Variants in ACER1 observed in about 807,000 individuals in gnomAD.
The protein encoded by ACER1 is CTB-180A7.3.
Under a neutral mutation model 24.9 loss-of-function variants are expected in ACER1, and 28 were observed. That is an observed-to-expected ratio of 1.13 (90% CI 0.83 to 1.54). ACER1 has a LOEUF of 1.54. Among genes scored for constraint, ACER1 ranks in the 40% most tolerant of loss-of-function variants. The pLI is 0.00. For missense variants in ACER1, 352 were observed against 349.3 expected (o/e 1.01, Z -0.06); for synonymous variants, 132 against 131.4 (o/e 1.00, Z -0.03).
chr19:6,311,861 G>T (rs981962406), intron 3 of ACER1, among the ~76,000 whole-genome samples: 15 of 152,128 alleles, frequency 9.9e-5, no homozygotes, highest in Non-Finnish European at 1.5e-4. Flanking sequence ...GTGTAGACAT[G>T]AGGTCCTGGA....
the ACER1 span, among the ~76,000 whole-genome samples, chr19:6,356,930 A>G: frequency 6.6e-6 from 1 of 151,732 alleles, no homozygotes; most frequent in African/African-American, 2.4e-5. Context: ...ATTGTTTATG[A>G]TGAAAGTCAC....
At chr19:6,307,362 C>T in intron 4 of ACER1, 72 bp from the exon 5 acceptor site, 5 of 1,553,718 alleles carry the variant, frequency 3.2e-6, no homozygotes, top group Non-Finnish European at 4.4e-6. Flanking sequence ...GGAAATTCCT[C>T]CTTCCACAGT....
chr19:6,319,618 A>G (rs1219615932), intron 1 of ACER1, among the ~76,000 whole-genome samples: 1 of 151,984 alleles, frequency 6.6e-6, no homozygotes, highest in African/African-American at 2.4e-5. Context: ...CTCGGGGTGT[A>G]TACAGTCAGG....
chr19:6,354,312 ATT>A, the ACER1 span, among the ~76,000 whole-genome samples: 2 of 137,910 alleles, frequency 1.5e-5, no homozygotes, highest in Admixed American at 7.6e-5. Flanking sequence ...TTAGGGGGGC[ATT>A]TTTTTTAATT....
the ACER1 span, among the ~76,000 whole-genome samples, chr19:6,342,546 C>T: frequency 1.3e-5 from 2 of 151,506 alleles, no homozygotes; most frequent in Non-Finnish European, 2.9e-5. Flanking sequence ...GGTGAAACCC[C>T]GTCTCTACTA....
At chr19:6,312,073 G>C in intron 3 of ACER1, 76 bp downstream of exon 3, 2 of 1,534,140 alleles carry the variant, frequency 1.3e-6, no homozygotes, top group Non-Finnish European at 1.8e-6. Flanking sequence ...GGGACCCAGG[G>C]GACTCAGGTG....
chr19:6,318,952 G>A (rs2091617084), intron 1 of ACER1, among the ~76,000 whole-genome samples: 1 of 151,456 alleles, frequency 6.6e-6, no homozygotes, highest in Non-Finnish European at 1.5e-5. Flanking sequence ...ATGCCTCTTG[G>A]TTTCTCTTCG....
intron 3 of ACER1, among the ~76,000 whole-genome samples, chr19:6,311,013 A>G (rs1037994189): frequency 3.3e-5 from 5 of 151,976 alleles, no homozygotes; most frequent in Non-Finnish European, 5.9e-5. Flanking sequence ...AGGACTCAGT[A>G]GGATGAGAAG....
At chr19:6,307,075 C>T in intron 5 of ACER1, 78 bp downstream of exon 5, 4 of 1,584,210 alleles carry the variant, frequency 2.5e-6, no homozygotes, top group Non-Finnish European at 3.4e-6. Context: ...AACCCCAGCC[C>T]CCAGGTGCCT....
At chr19:6,327,694 A>C (rs2091668093) in intron 1 of ACER1, among the ~76,000 whole-genome samples, 1 of 152,108 alleles carries the variant, frequency 6.6e-6, no homozygotes, top group Non-Finnish European at 1.5e-5. Context: ...CAAGCTAAGA[A>C]TCATGTTTAC....
chr19:6,326,802 T>C (rs1351911653), intron 1 of ACER1, among the ~76,000 whole-genome samples: 1 of 152,118 alleles, frequency 6.6e-6, no homozygotes, highest in Admixed American at 6.6e-5. Context: ...AATAAATGAA[T>C]GAGTCCATCA....
upstream of ACER1, among the ~76,000 whole-genome samples, chr19:6,337,185 A>T (rs1208336474): frequency 1.3e-5 from 2 of 152,022 alleles, no homozygotes; most frequent in Admixed American, 6.6e-5. Flanking sequence ...CAAAAAAAAA[A>T]AAAAAATCAC....
At chr19:6,332,577 C>T (rs1296469860) in intron 1 of ACER1, among the ~76,000 whole-genome samples, 2 of 152,110 alleles carry the variant, frequency 1.3e-5, no homozygotes, top group Admixed American at 6.6e-5. Flanking sequence ...TAGGTACATC[C>T]ATGATTTTTT....
chr19:6,331,182 G>T (rs1401201828), intron 1 of ACER1, among the ~76,000 whole-genome samples: 2 of 141,642 alleles, frequency 1.4e-5, no homozygotes, highest in Non-Finnish European at 3.0e-5. Context: ...ATGAGGTCTC[G>T]CTCTGTCACC....
At chr19:6,355,726 G>A in the ACER1 span, among the ~76,000 whole-genome samples, 1 of 128,298 alleles carries the variant, frequency 7.8e-6, no homozygotes, top group Admixed American at 7.6e-5. Context: ...TGCCCGGCCA[G>A]CCGCCCCGTC....
intron 1 of ACER1, among the ~76,000 whole-genome samples, chr19:6,323,369 A>C (rs1035802765): frequency 1.7e-4 from 26 of 149,586 alleles, no homozygotes; most frequent in African/African-American, 4.2e-4. Context: ...TGCAGTGAGC[A>C]GAGATCACGC....
chr19:6,310,264 T>G (rs1305657965), intron 3 of ACER1, among the ~76,000 whole-genome samples: 3 of 151,262 alleles, frequency 2.0e-5, no homozygotes, highest in African/African-American at 7.3e-5. Context: ...ATTTTTTATA[T>G]TTTTACTAGA....
chr19:6,328,638 C>T (rs376177967), intron 1 of ACER1, among the ~76,000 whole-genome samples: 55 of 152,016 alleles, frequency 3.6e-4, no homozygotes, highest in African/African-American at 1.3e-3. Flanking sequence ...TTGAGCCCAG[C>T]CTGGCAGCAT....
Position 6,312,444 on chromosome 19 carries a change from G to C in ACER1, c.149C>G (p.Pro50Arg). 1 of 1,613,942 alleles carries C rather than the reference G, an allele frequency of 6.2e-7. No individual in the cohort carries two copies. The highest frequency in any genetic ancestry group is 8.5e-7 in the Non-Finnish European group (1 of 1,179,990). Residue 50 changes from proline to arginine, a missense_variant, in exon 2 of 6, where the codon CCG becomes CGG. Coordinates refer to ENST00000301452, the MANE Select transcript of ACER1 (RefSeq NM_133492.3). ...GTAGCGGGAGCGCTTCTGGGCATAC[G>C]GGTGCATCAGGAGCATCATCAGTGG... ...FGPLMMLLMH[P>R]YAQKRSRYIY...
Sources: allele counts gnomAD v4.1 joint callset (sites outside exome capture counted in the v4.1 genomes callset), GRCh38; gene constraint gnomAD v4.1.1; transcripts MANE v1.5; gene names NCBI Gene and HGNC (gene_info 2026-07-23, HGNC 2026-07-21).